The following FARS2 variants were observed in gnomAD, a reference collection of about 807,000 sequenced individuals.
The protein encoded by FARS2 is phenylalanine--tRNA ligase, mitochondrial.
Under a neutral mutation model 46.4 loss-of-function variants are expected in FARS2, and 40 were observed. The ratio of observed to expected loss-of-function variants is 0.86; its 90% confidence interval spans 0.67 to 1.12. The LOEUF is 1.12. Among genes scored for constraint, FARS2 ranks in the 50% most tolerant of loss-of-function variants. FARS2 has a pLI of 0.00. For missense variants in FARS2, 513 were observed against 567.9 expected (o/e 0.90, Z 0.98); for synonymous variants, 234 against 214.9 (o/e 1.09, Z -0.78).
At chr6:5,709,757 T>G (rs111292398) in intron 6 of FARS2, among the ~76,000 whole-genome samples, 3 of 147,860 alleles carry the variant, frequency 2.0e-5, no homozygotes, top group African/African-American at 7.6e-5. Flanking sequence ...CGCGCGCGCG[T>G]GTGTGTGTGT....
At chr6:5,666,350 A>G (rs1259193909) in intron 6 of FARS2, among the ~76,000 whole-genome samples, 3 of 152,226 alleles carry the variant, frequency 2.0e-5, no homozygotes, top group African/African-American at 4.8e-5. Flanking sequence ...TGGCCACTGC[A>G]GGTCCCTGAA....
At chr6:5,326,616 C>T (rs1018289459) in intron 1 of FARS2, among the ~76,000 whole-genome samples, 7 of 152,202 alleles carry the variant, frequency 4.6e-5, no homozygotes, top group Admixed American at 3.3e-4. Flanking sequence ...GTTAAAGCTT[C>T]GAGTTCCAGG....
intron 6 of FARS2, among the ~76,000 whole-genome samples, chr6:5,718,727 G>A (rs1203118716): frequency 6.6e-6 from 1 of 152,152 alleles, no homozygotes; most frequent in Non-Finnish European, 1.5e-5. Context: ...GGAAGATGGG[G>A]CCTGTTCCTG....
intron 6 of FARS2, among the ~76,000 whole-genome samples, chr6:5,634,886 G>A (rs911299590): frequency 7.2e-5 from 11 of 152,192 alleles, no homozygotes; most frequent in Non-Finnish European, 2.9e-5. Flanking sequence ...GATTTCTGGA[G>A]TTCAGTTGTC....
chr6:5,264,357 A>G (rs1439945439), intron 1 of FARS2, among the ~76,000 whole-genome samples: 1 of 152,246 alleles, frequency 6.6e-6, no homozygotes, highest in Non-Finnish European at 1.5e-5. Context: ...ACGAAGGGGA[A>G]GGGGGAAGAC....
At chr6:5,585,187 A>G (rs1773548744) in intron 5 of FARS2, among the ~76,000 whole-genome samples, 1 of 152,268 alleles carries the variant, frequency 6.6e-6, no homozygotes, top group Admixed American at 6.5e-5. Context: ...TATTTAATTG[A>G]CAAAAATTTA....
intron 1 of FARS2, among the ~76,000 whole-genome samples, chr6:5,324,792 T>C (rs574282957): frequency 6.2e-4 from 94 of 152,264 alleles, no homozygotes; most frequent in African/African-American, 2.2e-3. Flanking sequence ...AGTCCCCTTC[T>C]AGGAAGAAGT....
At chr6:5,595,846 G>T (rs1030106240) in intron 5 of FARS2, among the ~76,000 whole-genome samples, 1 of 152,090 alleles carries the variant, frequency 6.6e-6, no homozygotes, top group African/African-American at 2.4e-5. Flanking sequence ...ATGGGAGATT[G>T]GGCGATTGAG....
chr6:5,483,788 G>T (rs1271166988), intron 4 of FARS2, among the ~76,000 whole-genome samples: 1 of 152,136 alleles, frequency 6.6e-6, no homozygotes, highest in African/African-American at 2.4e-5. Context: ...TGAAGAAGAG[G>T]ATGAGCAGGT....
At chr6:5,654,141 C>G (rs1777499384) in intron 6 of FARS2, among the ~76,000 whole-genome samples, 1 of 152,152 alleles carries the variant, frequency 6.6e-6, no homozygotes, top group Admixed American at 6.5e-5. Context: ...GGCCCTACGT[C>G]CACAGAGGAG....
At chr6:5,761,808 T>TAAAAA (rs79057006) in intron 6 of FARS2, among the ~76,000 whole-genome samples, 1 of 105,932 alleles carries the variant, frequency 9.4e-6, no homozygotes. Flanking sequence ...GTGGAGGATC[T>TAAAAA]AAAAAAAAAA....
intron 6 of FARS2, among the ~76,000 whole-genome samples, chr6:5,620,224 G>A (rs139047265): frequency 8.6e-5 from 13 of 151,956 alleles, no homozygotes; most frequent in East Asian, 5.8e-4. Context: ...ACACATACAC[G>A]CACACACATG....
chr6:5,527,654 T>C (rs903883052), intron 4 of FARS2, among the ~76,000 whole-genome samples: 1 of 152,192 alleles, frequency 6.6e-6, no homozygotes, highest in Admixed American at 6.5e-5. Flanking sequence ...ACTTAAAATA[T>C]CACTCAGATT....
intron 6 of FARS2, among the ~76,000 whole-genome samples, chr6:5,662,184 G>C (rs1777880918): frequency 6.6e-6 from 1 of 152,068 alleles, no homozygotes; most frequent in Non-Finnish European, 1.5e-5. Context: ...GAAAGTTGGG[G>C]TATTTTCATT....
In FARS2 at chr6:5,677,352, G is replaced by A. The variant is rs968946296; in HGVS notation, c.1217+64032G>A. Among the ~76,000 whole-genome samples, 10 of 152,042 alleles carry A rather than the reference G, an allele frequency of 6.6e-5. No individual in the cohort carries two copies. In the South Asian group the frequency reaches 8.3e-4, roughly 13 times the overall value. On this transcript the variant is annotated intron_variant, in intron 6 of 6. Transcript: ENST00000274680. ...AGCTCCCATTCAAGTTATTTCTTCC[G>A]GCTTTCCTCTCTGGCAAGGTACAAA...
chr6:5,697,896 T>A (rs1458088899), intron 6 of FARS2, among the ~76,000 whole-genome samples: 14 of 151,852 alleles, frequency 9.2e-5, no homozygotes, highest in Admixed American at 2.6e-4. Context: ...TTTTTTAATT[T>A]AAAAAAAAAT....
chr6:5,506,929 C>G (rs1768135574), intron 4 of FARS2, among the ~76,000 whole-genome samples: 1 of 152,232 alleles, frequency 6.6e-6, no homozygotes, highest in African/African-American at 2.4e-5. Context: ...TATTTAAAGA[C>G]TGCCCCCTTT....
At chr6:5,528,201 T>TG in intron 4 of FARS2, among the ~76,000 whole-genome samples, 1 of 152,050 alleles carries the variant, frequency 6.6e-6, no homozygotes, top group Non-Finnish European at 1.5e-5. Flanking sequence ...AAATTTGTAT[T>TG]TAAAAAAAAA....
chr6:5,642,776 A>G (rs987510659), intron 6 of FARS2, among the ~76,000 whole-genome samples: 6 of 152,248 alleles, frequency 3.9e-5, no homozygotes, highest in African/African-American at 1.4e-4. Flanking sequence ...TGTGTGCTGT[A>G]GTTGCTCGTT....
Sources: gnomAD v4.1 joint callset for allele counts (sites outside exome capture counted in the v4.1 genomes callset) on GRCh38, gnomAD v4.1.1 for gene constraint, MANE v1.5 for transcripts, NCBI Gene and HGNC (gene_info 2026-07-23, HGNC 2026-07-21) for gene names.